The following FANCC variants were observed in gnomAD, a reference collection of about 807,000 sequenced individuals.
FANCC encodes FA complementation group C.
Under a neutral mutation model 71.3 loss-of-function variants are expected in FANCC, and 55 were observed. The ratio of observed to expected loss-of-function variants is 0.77; its 90% confidence interval spans 0.62 to 0.97. FANCC has a LOEUF of 0.97. FANCC is among the 50% of genes least tolerant of loss of function. The probability of loss-of-function intolerance (pLI) is 0.00; values close to 1 mark genes in which losing one functional copy is unlikely to be tolerated. For missense variants in FANCC, 678 were observed against 670.9 expected (o/e 1.01, Z -0.12); for synonymous variants, 275 against 244.9 (o/e 1.12, Z -1.15).
intron 4 of FANCC, among the ~76,000 whole-genome samples, chr9:95,188,263 G>A (rs1826857451): frequency 6.6e-6 from 1 of 152,118 alleles, no homozygotes; most frequent in Non-Finnish European, 1.5e-5. Flanking sequence ...TCTTCCTGGG[G>A]TTCTTCCCAG....
At chr9:95,123,753 CA>C in intron 10 of FANCC, 1 of 695,564 alleles carries the variant, frequency 1.4e-6, no homozygotes. Flanking sequence ...CTGAGTTGTG[CA>C]ATTCACAGCA....
chr9:95,199,911 CTTTG>C (rs1827702996), intron 4 of FANCC, among the ~76,000 whole-genome samples: 1 of 152,138 alleles, frequency 6.6e-6, no homozygotes, highest in African/African-American at 2.4e-5. Context: ...TATGAACCTT[CTTTG>C]TTTCTTAATA....
At chr9:95,133,507 TAC>T (rs1184098464) in intron 8 of FANCC, among the ~76,000 whole-genome samples, 1 of 152,256 alleles carries the variant, frequency 6.6e-6, no homozygotes, top group Non-Finnish European at 1.5e-5. Context: ...CTGAGCATTA[TAC>T]AGTTATGTGC....
At position 95,130,282 on chromosome 9, in the gene FANCC, C is replaced by CTGTG. The variant is rs546006621; in HGVS notation, c.844-3705_844-3702dup. Among the ~76,000 whole-genome samples, 18 of 146,908 alleles carry CTGTG rather than the reference C, an allele frequency of 1.2e-4. No homozygotes were observed. The South Asian group carries it at 1.8e-3, about 14-fold the overall frequency. ...CATTTCTTTCTGTCATTTGCTGATT[C>CTGTG]TGTGTGTGTGTGTGTGTGAGAGAGA... On this transcript the variant is annotated intron_variant, in intron 8 of 14. Transcript: ENST00000289081.
At chr9:95,182,500 A>T (rs1826439082) in intron 4 of FANCC, among the ~76,000 whole-genome samples, 1 of 152,142 alleles carries the variant, frequency 6.6e-6, no homozygotes, top group South Asian at 2.1e-4. Context: ...AGCCTGGGAG[A>T]TAGAGAAAGA....
At chr9:95,252,868 C>T (rs1170728882) in intron 1 of FANCC, among the ~76,000 whole-genome samples, 2 of 150,502 alleles carry the variant, frequency 1.3e-5, no homozygotes, top group African/African-American at 4.9e-5. Flanking sequence ...GGGCAACATA[C>T]CAAGACCCCA....
intron 4 of FANCC, among the ~76,000 whole-genome samples, chr9:95,230,500 C>T (rs182777935): frequency 5.9e-5 from 9 of 152,242 alleles, no homozygotes; most frequent in Admixed American, 2.6e-4. Flanking sequence ...AATGAAGCCG[C>T]GGACTCTCGC....
intron 1 of FANCC, among the ~76,000 whole-genome samples, chr9:95,278,669 G>T (rs1484869213): frequency 6.6e-6 from 1 of 152,098 alleles, no homozygotes; most frequent in Non-Finnish European, 1.5e-5. Context: ...TGTATTAAGT[G>T]AATTTCTGAC....
chr9:95,126,816 T>G (rs1826056161), intron 8 of FANCC: 2 of 504,160 alleles, frequency 4.0e-6, no homozygotes, highest in East Asian at 6.9e-5. Flanking sequence ...CTCCTGTATG[T>G]CCCACATTTT....
intron 7 of FANCC, among the ~76,000 whole-genome samples, chr9:95,148,444 G>A (rs967091567): frequency 5.3e-5 from 8 of 152,196 alleles, no homozygotes; most frequent in Admixed American, 5.2e-4. Context: ...AATTAGCAAA[G>A]TGACTCAGTC....
chr9:95,107,782 A>C (rs1200836604), intron 13 of FANCC, among the ~76,000 whole-genome samples: 5 of 152,118 alleles, frequency 3.3e-5, no homozygotes. Flanking sequence ...ACGGTCATAC[A>C]CACATGCATG....
At chr9:95,212,866 G>A (rs926706439) in intron 4 of FANCC, among the ~76,000 whole-genome samples, 1 of 152,180 alleles carries the variant, frequency 6.6e-6, no homozygotes, top group Non-Finnish European at 1.5e-5. Context: ...ATACACATAT[G>A]TTATGCACTC....
At chr9:95,285,792 A>C (rs949131055) in intron 1 of FANCC, among the ~76,000 whole-genome samples, 1 of 152,194 alleles carries the variant, frequency 6.6e-6, no homozygotes, top group African/African-American at 2.4e-5. Flanking sequence ...TATATCAAAA[A>C]ACTTTGAATG....
chr9:95,152,521 T>C (rs1364064458), intron 6 of FANCC, among the ~76,000 whole-genome samples: 1 of 152,190 alleles, frequency 6.6e-6, no homozygotes, highest in Admixed American at 6.5e-5. Context: ...CCGGGGAGGA[T>C]GGCGGAAAGG....
At chr9:95,111,149 T>G in intron 13 of FANCC, 1 of 1,534,890 alleles carries the variant, frequency 6.5e-7, no homozygotes, top group African/African-American at 1.4e-5. Flanking sequence ...GGGCACGCCT[T>G]GGAGGACGCG....
At chr9:95,131,067 T>C (rs777671642) in intron 8 of FANCC, among the ~76,000 whole-genome samples, 2 of 152,278 alleles carry the variant, frequency 1.3e-5, no homozygotes, top group Non-Finnish European at 2.9e-5. Context: ...TCTTTCTTTT[T>C]AATCTTTACC....
At chr9:95,255,508 C>A (rs1831607666) in intron 1 of FANCC, among the ~76,000 whole-genome samples, 1 of 152,098 alleles carries the variant, frequency 6.6e-6, no homozygotes, top group Non-Finnish European at 1.5e-5. Flanking sequence ...TCAACATCAA[C>A]AAAAAGGACG....
At chr9:95,311,233 CAAAA>C (rs10710492) in intron 1 of FANCC, among the ~76,000 whole-genome samples, 8 of 76,030 alleles carry the variant, frequency 1.1e-4, no homozygotes, top group Non-Finnish European at 1.7e-4. Flanking sequence ...GATTCCGTCT[CAAAA>C]AAAAAAAAAA....
Position 95,198,579 on chromosome 9 carries a change from G to C in FANCC, c.346-26432C>G, listed in dbSNP as rs1235991188. On this transcript the variant is annotated intron_variant, in intron 4 of 14. Transcript: ENST00000289081. ...GGAAAATCACCTCCTGGAAGGCAAG[G>C]CCACATGAGGCCCTCCTCTAACAGC... Among the ~76,000 whole-genome samples, 2 of 152,146 alleles carry C rather than the reference G, an allele frequency of 1.3e-5. 1 individual carries two copies. Among genetic ancestry groups the C allele is most frequent in the Admixed American group, 1.3e-4 (2 of 15,278 alleles).
Sources: gnomAD v4.1 joint callset for allele counts (sites outside exome capture counted in the v4.1 genomes callset) on GRCh38, gnomAD v4.1.1 for gene constraint, MANE v1.5 for transcripts, NCBI Gene and HGNC (gene_info 2026-07-23, HGNC 2026-07-21) for gene names.